Variants in MEGF6 observed in about 807,000 individuals in gnomAD.
MEGF6 encodes multiple EGF like domains 6, also known as multiple epidermal growth factor-like domains protein 6.
MEGF6 carries 184 observed loss-of-function variants against 207.1 expected under a neutral mutation model. The ratio of observed to expected loss-of-function variants is 0.89; its 90% CI spans 0.79 to 1.00. The LOEUF is 1.00. Ranked by LOEUF, MEGF6 falls within the 50% of genes least tolerant of loss-of-function variation. The pLI is 0.00. For missense variants in MEGF6, 2,282 were observed against 2,202.9 expected (o/e 1.04, Z -0.72); for synonymous variants, 1,038 against 910.0 (o/e 1.14, Z -2.53).
chr1:3,489,296 C>T lies in MEGF6; in HGVS notation c.*1232G>A, dbSNP rs1347246312. Reference sequence around the variant, plus strand: ...CTGGTGAAATTGTCTGCCCTGGGGCCTCAGCTACCTTGGCTGGTTTTAGGG... The same window carrying T: ...CTGGTGAAATTGTCTGCCCTGGGGCTTCAGCTACCTTGGCTGGTTTTAGGG... On this transcript the variant is annotated 3_prime_UTR_variant, in exon 37 of 37. Transcript: ENST00000356575. Among the ~76,000 whole-genome samples the T allele has an allele frequency of 6.6e-6, 1 of 152,248 alleles. No homozygotes were observed. Among genetic ancestry groups the T allele is most frequent in the Non-Finnish European group, 1.5e-5 (1 of 68,050 alleles).
chr1:3,568,338 G>A (rs544561480), intron 4 of MEGF6, among the ~76,000 whole-genome samples: 2 of 137,690 alleles, frequency 1.5e-5, no homozygotes, highest in Non-Finnish European at 3.4e-5. Context: ...CCAGGAACAC[G>A]GCAGGGGAAT....
chr1:3,537,091 G>C (rs574780155), intron 4 of MEGF6, among the ~76,000 whole-genome samples: 2 of 152,388 alleles, frequency 1.3e-5, no homozygotes, highest in East Asian at 3.9e-4. Flanking sequence ...GTGGGAGCCA[G>C]AGAGGCTGTG....
At chr1:3,605,261 CAT>C (rs955740387) in intron 1 of MEGF6, among the ~76,000 whole-genome samples, 19 of 152,024 alleles carry the variant, frequency 1.2e-4, no homozygotes, top group African/African-American at 3.1e-4. Flanking sequence ...GGCACTCACA[CAT>C]ACTCTCACAC....
Position 3,490,370 on chromosome 1 carries a change from G to A in MEGF6, c.*158C>T. ...CTCAAGGCCACACCAGCCTCCAAGA[G>A]CGACAGGTTGCTGGGCTGTCCACAG... On this transcript the variant is annotated 3_prime_UTR_variant, in exon 37 of 37. Transcript: ENST00000356575. The A allele has an allele frequency of 1.3e-6, 1 of 769,902 alleles. No homozygotes were observed. Among genetic ancestry groups the A allele is most frequent in the African/African-American group, 1.8e-5 (1 of 55,044 alleles). 47.7% of individuals were successfully genotyped at this position (769,902 alleles called of 1,614,324 possible). A position where few individuals can be genotyped will look rare whatever the true frequency, so the allele number is the denominator to read the frequency against.
chr1:3,604,770 C>CA (rs1346589159), intron 1 of MEGF6, among the ~76,000 whole-genome samples: 2 of 152,180 alleles, frequency 1.3e-5, no homozygotes. Flanking sequence ...CACCTTCCCC[C>CA]AGCACTGTTG....
At chr1:3,490,793 C>T in intron 36 of MEGF6, 119 bp downstream of exon 36, 1 of 1,365,844 alleles carries the variant, frequency 7.3e-7, no homozygotes, top group East Asian at 2.5e-5. Context: ...TTCCTGGGGC[C>T]CAAGGCCCCG....
chr1:3,613,995 A>T (rs898069386), upstream of MEGF6, among the ~76,000 whole-genome samples: 2 of 152,100 alleles, frequency 1.3e-5, no homozygotes, highest in Non-Finnish European at 2.9e-5. Context: ...CAGGAAGGGG[A>T]TATGTCCTTC....
intron 30 of MEGF6, 118 bp from the exon 31 acceptor site, chr1:3,494,859 C>T (rs1640535829): frequency 1.4e-6 from 2 of 1,391,750 alleles, no homozygotes; most frequent in Non-Finnish European, 1.9e-6. Flanking sequence ...CCATCAGTGC[C>T]AGTCTCTGCC....
chr1:3,623,629 A>T, the MEGF6 span: 3 of 152,066 alleles, frequency 2.0e-5, no homozygotes, highest in African/African-American at 7.2e-5. Flanking sequence ...GTGGTGCAAC[A>T]TGCGTCTGGG....
chr1:3,497,208 G>C (rs765527159), intron 27 of MEGF6, 25 bp downstream of exon 27: 1 of 1,516,344 alleles, frequency 6.6e-7, no homozygotes, highest in Non-Finnish European at 8.8e-7. Flanking sequence ...GCCGCTCCTC[G>C]GGGTGGGGGC....
intron 4 of MEGF6, among the ~76,000 whole-genome samples, chr1:3,547,328 C>T (rs1014811588): frequency 5.9e-5 from 9 of 152,292 alleles, no homozygotes; most frequent in African/African-American, 2.2e-4. Flanking sequence ...GTCCCTCCCT[C>T]GCTCCCAGGG....
intron 21 of MEGF6, among the ~76,000 whole-genome samples, chr1:3,500,414 A>G (rs1172411069): frequency 6.6e-6 from 1 of 152,246 alleles, no homozygotes; most frequent in Non-Finnish European, 1.5e-5. Context: ...AGCTCAGGAA[A>G]GGCAGAGGAA....
intron 15 of MEGF6, 70 bp from the exon 16 acceptor site, chr1:3,505,626 C>G: frequency 7.5e-6 from 11 of 1,462,788 alleles, no homozygotes; most frequent in Non-Finnish European, 9.9e-6. Flanking sequence ...TTCCACCAGC[C>G]CTGGGTCAGC....
chr1:3,488,163 T>G lies in MEGF6; in HGVS notation c.*2365A>C, dbSNP rs1640215807. Among the ~76,000 whole-genome samples the G allele has an allele frequency of 6.6e-6, 1 of 152,192 alleles. No homozygotes were observed. The highest frequency in any genetic ancestry group is 6.5e-5 in the Admixed American group (1 of 15,282). Reference sequence around the variant, plus strand: ...TATATAATATATGGTCAGGAGTTTGTTTTTCCGTCGTCATTTGTAACCGTT... The same window carrying G: ...TATATAATATATGGTCAGGAGTTTGGTTTTCCGTCGTCATTTGTAACCGTT... On this transcript the variant is annotated 3_prime_UTR_variant, in exon 37 of 37. Transcript: ENST00000356575.
At chr1:3,500,519 T>C (rs1640810956) in intron 21 of MEGF6, 114 bp downstream of exon 21, 4 of 1,397,732 alleles carry the variant, frequency 2.9e-6, no homozygotes, top group Non-Finnish European at 3.8e-6. Context: ...AAAGGCTTCG[T>C]GTGTGTGCGT....
intron 4 of MEGF6, among the ~76,000 whole-genome samples, chr1:3,575,083 A>G (rs190884352): frequency 7.2e-5 from 11 of 152,354 alleles, no homozygotes; most frequent in African/African-American, 2.4e-4. Context: ...GTACTACAAA[A>G]GACAAATCTA....
intron 1 of MEGF6, among the ~76,000 whole-genome samples, chr1:3,610,405 A>ACCTGGC (rs975633729): frequency 6.6e-6 from 1 of 151,962 alleles, no homozygotes; most frequent in African/African-American, 2.4e-5. Flanking sequence ...CTTCACCTGG[A>ACCTGGC]CCTGGCCCTC....
intron 5 of MEGF6, among the ~76,000 whole-genome samples, chr1:3,517,242 C>A (rs534445296): frequency 1.3e-5 from 2 of 152,328 alleles, no homozygotes; most frequent in South Asian, 2.1e-4. Context: ...AGGATCCAGG[C>A]GCCACAAGGG....
chr1:3,522,569 G>C (rs1262212501), intron 5 of MEGF6, among the ~76,000 whole-genome samples: 1 of 151,220 alleles, frequency 6.6e-6, no homozygotes. Context: ...CCGGCTATAG[G>C]AGGAGACTCC....
Sources: allele counts gnomAD v4.1 joint callset (sites outside exome capture counted in the v4.1 genomes callset), GRCh38; gene constraint gnomAD v4.1.1; transcripts MANE v1.5; gene names NCBI Gene and HGNC (gene_info 2026-07-23, HGNC 2026-07-21).